Variants in KIAA1217 observed in about 807,000 individuals in gnomAD.
The protein encoded by KIAA1217 is sickle tail protein homolog.
KIAA1217 carries 88 observed loss-of-function variants against 163.9 expected under a neutral mutation model. The ratio of observed to expected loss-of-function variants is 0.54; its 90% CI spans 0.45 to 0.64. KIAA1217 has a LOEUF of 0.64. Among genes scored for constraint, KIAA1217 ranks in the 30% least tolerant of loss-of-function variants. KIAA1217 has a pLI of 0.00. For missense variants in KIAA1217, 2,372 were observed against 2,475.0 expected, an observed-to-expected ratio of 0.96 and a Z score of 0.88; for synonymous variants, 903 against 923.1, an observed-to-expected ratio of 0.98 and a Z score of 0.39.
chr10:23,721,981 T>C (rs1346085076), intron 1 of KIAA1217, among the ~76,000 whole-genome samples: 2 of 152,160 alleles, frequency 1.3e-5, no homozygotes, highest in African/African-American at 4.8e-5. Flanking sequence ...AAATGTGATG[T>C]AGTCATACAA....
chr10:23,748,197 A>G (rs1455055974), intron 1 of KIAA1217, among the ~76,000 whole-genome samples: 1 of 152,072 alleles, frequency 6.6e-6, no homozygotes, highest in Non-Finnish European at 1.5e-5. Flanking sequence ...CCTATGCACG[A>G]CATCTTTTGG....
At chr10:24,273,846 CTG>C (rs1235392482) in intron 2 of KIAA1217, among the ~76,000 whole-genome samples, 3 of 148,628 alleles carry the variant, frequency 2.0e-5, no homozygotes, top group African/African-American at 7.5e-5. Flanking sequence ...GAACAAGACT[CTG>C]TCTCAAAAAA....
At chr10:23,798,427 C>A (rs1379979084) in intron 1 of KIAA1217, among the ~76,000 whole-genome samples, 1 of 152,212 alleles carries the variant, frequency 6.6e-6, no homozygotes, top group African/African-American at 2.4e-5. Context: ...CCATCATCTT[C>A]AGCATTGGCT....
chr10:24,262,541 G>A (rs1178671344), intron 2 of KIAA1217, among the ~76,000 whole-genome samples: 6 of 151,816 alleles, frequency 4.0e-5, no homozygotes, highest in African/African-American at 7.3e-5. Flanking sequence ...GCAGGAGAAT[G>A]GCGTGAACCC....
intron 2 of KIAA1217, among the ~76,000 whole-genome samples, chr10:24,036,876 A>G (rs1026977999): frequency 2.6e-5 from 4 of 152,188 alleles, no homozygotes; most frequent in Admixed American, 6.5e-5. Flanking sequence ...CACACATCCA[A>G]ACTAAATCAA....
intron 2 of KIAA1217, among the ~76,000 whole-genome samples, chr10:24,258,844 G>A (rs7068454): frequency 0.45 from 68,035 of 151,886 alleles, 15,673 homozygotes; most frequent in African/African-American, 0.56. Flanking sequence ...CCGCCCGCCT[G>A]GGCCTCCCAA....
At chr10:24,337,404 A>C (rs2046476636) in intron 2 of KIAA1217, among the ~76,000 whole-genome samples, 1 of 152,126 alleles carries the variant, frequency 6.6e-6, no homozygotes, top group Non-Finnish European at 1.5e-5. Context: ...GGAGTATCTC[A>C]TTGTAGCCCT....
intron 2 of KIAA1217, among the ~76,000 whole-genome samples, chr10:24,129,760 C>G (rs775008443): frequency 5.3e-5 from 8 of 152,260 alleles, no homozygotes; most frequent in Non-Finnish European, 1.2e-4. Flanking sequence ...TGTGAATTCC[C>G]TTTCCTCCTG....
intron 2 of KIAA1217, among the ~76,000 whole-genome samples, chr10:24,333,309 G>A (rs1424459611): frequency 1.3e-5 from 2 of 152,186 alleles, no homozygotes; most frequent in African/African-American, 2.4e-5. Context: ...ACAGGCATGA[G>A]CCACCACAGG....
At chr10:24,336,134 C>G (rs1251543587) in intron 2 of KIAA1217, among the ~76,000 whole-genome samples, 2 of 152,104 alleles carry the variant, frequency 1.3e-5, no homozygotes, top group Non-Finnish European at 2.9e-5. Flanking sequence ...CCCAGCTACT[C>G]AGGAGGGTGA....
intron 2 of KIAA1217, among the ~76,000 whole-genome samples, chr10:24,175,443 A>ATGTGTGTG (rs137918207): frequency 9.4e-4 from 141 of 150,000 alleles, no homozygotes; most frequent in East Asian, 3.0e-3. Context: ...GTGTATATAT[A>ATGTGTGTG]TGTGTGTGTG....
At chr10:24,129,092 A>G (rs1464236542) in intron 2 of KIAA1217, among the ~76,000 whole-genome samples, 1 of 152,196 alleles carries the variant, frequency 6.6e-6, no homozygotes, top group East Asian at 1.9e-4. Context: ...GAAGTGGGCC[A>G]TATTGAGCTA....
chr10:23,881,858 C>A (rs1463838830), intron 1 of KIAA1217, among the ~76,000 whole-genome samples: 4 of 151,806 alleles, frequency 2.6e-5, no homozygotes, highest in African/African-American at 9.7e-5. Context: ...CCCTTAAGAC[C>A]AGGTCACTTC....
At chr10:24,363,577 T>G (rs1361935000) in intron 2 of KIAA1217, among the ~76,000 whole-genome samples, 2 of 151,368 alleles carry the variant, frequency 1.3e-5, no homozygotes, top group East Asian at 1.9e-4. Context: ...GTTTTTTTTT[T>G]TTTTTGAAAC....
intron 2 of KIAA1217, among the ~76,000 whole-genome samples, chr10:24,088,250 A>T (rs3852486): frequency 0.3 from 31,989 of 108,414 alleles, 9,860 homozygotes; most frequent in African/African-American, 0.53. Context: ...CTGTTTTTTT[A>T]ATATACATAT....
chr10:24,349,511 A>G (rs542463137), intron 2 of KIAA1217, among the ~76,000 whole-genome samples: 25 of 152,304 alleles, frequency 1.6e-4, no homozygotes, highest in Admixed American at 9.1e-4. Context: ...AGACAAGAAG[A>G]CTGAGCCTCA....
intron 2 of KIAA1217, among the ~76,000 whole-genome samples, chr10:24,199,688 G>C (rs1163542705): frequency 6.6e-6 from 1 of 152,152 alleles, no homozygotes; most frequent in African/African-American, 2.4e-5. Context: ...ACAAAGCTGT[G>C]TGTGTATGTG....
In KIAA1217 at chr10:24,057,648, T is replaced by C. The variant is rs531962952; in HGVS notation, c.-171+50274T>C. Among the ~76,000 whole-genome samples, 4 of 152,380 alleles carry C rather than the reference T, an allele frequency of 2.6e-5. No homozygotes were observed. In the South Asian group the frequency reaches 6.2e-4, roughly 24 times the overall value. The stretch of plus-strand genomic sequence containing the variant: ...TTGGAATGTCCCTGATGATTAGTGA[T>C]GCTGACCATCTTTTAATATTTTAAT... On this transcript the variant is annotated intron_variant, in intron 2 of 18. Coordinates refer to the KIAA1217 transcript ENST00000376462.
chr10:23,969,849 G>A (rs1845232635), intron 1 of KIAA1217, among the ~76,000 whole-genome samples: 1 of 152,188 alleles, frequency 6.6e-6, no homozygotes, highest in African/African-American at 2.4e-5. Flanking sequence ...AGACTGGGTG[G>A]TTTAATGGAC....
Sources: gnomAD v4.1 joint callset for allele counts (sites outside exome capture counted in the v4.1 genomes callset) on GRCh38, gnomAD v4.1.1 for gene constraint, MANE v1.5 for transcripts, NCBI Gene and HGNC (gene_info 2026-07-23, HGNC 2026-07-21) for gene names.